The following TYW1B variants were observed in gnomAD, a reference collection of about 807,000 sequenced individuals.
The protein encoded by TYW1B is S-adenosyl-L-methionine-dependent tRNA 4-demethylwyosine synthase TYW1B.
In TYW1B, 73 loss-of-function variants were observed where a neutral mutation model predicts 86.9. The observed-to-expected ratio is 0.84, with a 90% CI of 0.70 to 1.02. The LOEUF (loss-of-function observed/expected upper bound fraction) is 1.02. Among genes scored for constraint, TYW1B ranks in the 50% least tolerant of loss-of-function variants. The pLI is 0.00. For missense variants in TYW1B, 637 were observed against 827.4 expected (o/e 0.77, Z 2.82); for synonymous variants, 248 against 292.8 (o/e 0.85, Z 1.56).
intron 11 of TYW1B, among the ~76,000 whole-genome samples, chr7:72,660,345 G>A (rs1220297152): frequency 6.6e-6 from 1 of 152,078 alleles, no homozygotes; most frequent in East Asian, 1.9e-4. Context: ...TTGCACTCCA[G>A]CCTGGTCAAA....
chr7:72,819,752 G>T (rs1304335927), intron 2 of TYW1B, among the ~76,000 whole-genome samples: 2 of 152,072 alleles, frequency 1.3e-5, no homozygotes, highest in South Asian at 2.1e-4. Flanking sequence ...TTTTAAAAAG[G>T]TTTATTTAAT....
chr7:72,711,428 C>T (rs1786659416), intron 10 of TYW1B, among the ~76,000 whole-genome samples: 1 of 143,760 alleles, frequency 7.0e-6, no homozygotes, highest in African/African-American at 2.6e-5. Flanking sequence ...CAGAATAAAC[C>T]TGTTAACTGT....
intron 6 of TYW1B, among the ~76,000 whole-genome samples, chr7:72,793,513 G>A (rs1221882180): frequency 6.6e-5 from 10 of 152,034 alleles, no homozygotes; most frequent in Admixed American, 4.6e-4. Context: ...TTGGGAGGCC[G>A]AGGTGGGCAG....
chr7:72,790,816 C>A (rs535803898), intron 6 of TYW1B, among the ~76,000 whole-genome samples: 2 of 152,236 alleles, frequency 1.3e-5, no homozygotes, highest in Non-Finnish European at 2.9e-5. Flanking sequence ...TGTTCCAGCA[C>A]GACCAAGGGA....
intron 2 of TYW1B, among the ~76,000 whole-genome samples, chr7:72,817,102 G>C (rs1554479597): frequency 6.6e-6 from 1 of 152,060 alleles, no homozygotes; most frequent in Non-Finnish European, 1.5e-5. Flanking sequence ...ATGAGAACTG[G>C]TATAGAAAAA....
At chr7:72,648,777 T>C (rs1396492272) in intron 11 of TYW1B, among the ~76,000 whole-genome samples, 1 of 152,020 alleles carries the variant, frequency 6.6e-6, no homozygotes, top group Non-Finnish European at 1.5e-5. Flanking sequence ...CAGGAAGATA[T>C]CACCTGTGTG....
At chr7:72,759,662 A>T (rs1787654660) in intron 7 of TYW1B, among the ~76,000 whole-genome samples, 1 of 152,116 alleles carries the variant, frequency 6.6e-6, no homozygotes, top group Admixed American at 6.6e-5. Flanking sequence ...GCCTATTTTA[A>T]ATCTGCTGAC....
At chr7:72,751,245 C>T (rs1258178839) in intron 7 of TYW1B, among the ~76,000 whole-genome samples, 4 of 152,128 alleles carry the variant, frequency 2.6e-5, no homozygotes, top group African/African-American at 9.7e-5. Flanking sequence ...ACCATGTTGG[C>T]CAGGCTCGTC....
intron 11 of TYW1B, among the ~76,000 whole-genome samples, chr7:72,642,601 G>A (rs1554441608): frequency 6.6e-6 from 1 of 152,166 alleles, no homozygotes; most frequent in Non-Finnish European, 1.5e-5. Context: ...ATAGTATTCA[G>A]CAAAAAAGCT....
At chr7:72,693,409 CTT>C (rs35021264) in intron 11 of TYW1B, among the ~76,000 whole-genome samples, 17 of 129,404 alleles carry the variant, frequency 1.3e-4, no homozygotes, top group Admixed American at 2.4e-4. Context: ...TTGCAGACAT[CTT>C]TTTTTTTTTT....
chr7:72,742,625 T>C (rs1554462707), intron 8 of TYW1B, among the ~76,000 whole-genome samples: 1 of 152,196 alleles, frequency 6.6e-6, no homozygotes. Context: ...ATAATATCAA[T>C]TCAAAATAGT....
At chr7:72,687,644 T>A (rs1437594063) in intron 11 of TYW1B, among the ~76,000 whole-genome samples, 10 of 152,166 alleles carry the variant, frequency 6.6e-5, no homozygotes, top group Admixed American at 5.2e-4. Flanking sequence ...ATCGTTTCAT[T>A]TATATAAAGT....
At chr7:72,726,796 G>A (rs545283032) in intron 9 of TYW1B, among the ~76,000 whole-genome samples, 22 of 152,252 alleles carry the variant, frequency 1.4e-4, no homozygotes, top group African/African-American at 4.6e-4. Context: ...TGCCGGAGAC[G>A]GGGTAATTTA....
At chr7:72,788,922 C>T (rs1554472957) in intron 6 of TYW1B, among the ~76,000 whole-genome samples, 1 of 151,930 alleles carries the variant, frequency 6.6e-6, no homozygotes, top group East Asian at 1.9e-4. Flanking sequence ...CCTTGACCTC[C>T]CAGGCTCAAA....
chr7:72,729,110 G>A (rs534772729), intron 8 of TYW1B, among the ~76,000 whole-genome samples, 179 bp from the exon 9 acceptor site: 7 of 152,292 alleles, frequency 4.6e-5, no homozygotes, highest in African/African-American at 1.7e-4. Context: ...CCAACAGAGA[G>A]GGGTGAATAG....
At chr7:72,758,324 A>AGTT (rs1787628195) in intron 7 of TYW1B, among the ~76,000 whole-genome samples, 1 of 152,126 alleles carries the variant, frequency 6.6e-6, no homozygotes, top group South Asian at 2.1e-4. Flanking sequence ...GCAGCATAAC[A>AGTT]AGACCTGTCT....
intron 11 of TYW1B, among the ~76,000 whole-genome samples, chr7:72,644,805 G>T (rs1274353450): frequency 1.4e-5 from 2 of 145,664 alleles, no homozygotes; most frequent in Non-Finnish European, 3.0e-5. Flanking sequence ...AATTACATAA[G>T]AAACTCTCTT....
In TYW1B at chr7:72,728,912, C is replaced by T; in HGVS notation, c.1102G>A (p.Gly368Ser). 2.5e-6 allele frequency: 4 copies of T among 1,613,898 alleles called. No individual in the cohort carries two copies. The highest frequency in any genetic ancestry group is 2.5e-6 in the Non-Finnish European group (3 of 1,179,906). ...FCWWHHNNPVGTEWLWKMDQP... is the reference protein window; with the variant it reads ...FCWWHHNNPVSTEWLWKMDQP... ...TCCATCTTCCACAACCATTCAGTGCCCACAGGGTTGTTGTGGTGCCTAGGA... is the reference window on the plus strand; with the variant it reads ...TCCATCTTCCACAACCATTCAGTGCTCACAGGGTTGTTGTGGTGCCTAGGA... The change falls in exon 9 of 14, where the codon GGC becomes AGC. Residue 368 changes from glycine to serine, a missense_variant. Coordinates refer to ENST00000620995, the MANE Select transcript of TYW1B (RefSeq NM_001145440.3).
At chr7:72,753,280 A>G (rs1787531528) in intron 7 of TYW1B, among the ~76,000 whole-genome samples, 1 of 152,178 alleles carries the variant, frequency 6.6e-6, no homozygotes, top group Non-Finnish European at 1.5e-5. Context: ...TAAGACAAAC[A>G]TTCGCTTAAT....
Sources: allele counts gnomAD v4.1 joint callset (sites outside exome capture counted in the v4.1 genomes callset), GRCh38; gene constraint gnomAD v4.1.1; transcripts MANE v1.5; gene names NCBI Gene and HGNC (gene_info 2026-07-23, HGNC 2026-07-21).